Variants in ZNF521 observed in about 807,000 individuals in gnomAD.
ZNF521 encodes the protein LYST-interacting protein 3.
Under a neutral mutation model 105.5 loss-of-function variants are expected in ZNF521, and 14 were observed. The observed-to-expected ratio is 0.13, with a 90% CI of 0.09 to 0.21. The LOEUF is 0.21. Ranked by LOEUF, ZNF521 falls within the 10% of genes least tolerant of loss-of-function variation. The pLI, the probability that ZNF521 is intolerant of heterozygous loss-of-function variation, is 1.00. For synonymous variants in ZNF521, 635 were observed against 606.0 expected, an observed-to-expected ratio of 1.05 and a Z score of -0.70; for missense variants, 1,233 against 1,629.7, an observed-to-expected ratio of 0.76 and a Z score of 4.19.
chr18:25,333,639 C>T (rs1428841914), intron 2 of ZNF521, among the ~76,000 whole-genome samples: 1 of 152,116 alleles, frequency 6.6e-6, no homozygotes, highest in African/African-American at 2.4e-5. Context: ...GGTATCAATG[C>T]CACACCAGTC....
At chr18:25,162,245 A>G (rs1306423225) in intron 5 of ZNF521, among the ~76,000 whole-genome samples, 3 of 152,210 alleles carry the variant, frequency 2.0e-5, no homozygotes, top group Non-Finnish European at 2.9e-5. Context: ...TAACATTCAT[A>G]CATGAGAATA....
chr18:25,218,343 G>T (rs1905468077), intron 4 of ZNF521, among the ~76,000 whole-genome samples: 1 of 151,896 alleles, frequency 6.6e-6, no homozygotes, highest in African/African-American at 2.4e-5. Flanking sequence ...GTGGTAAGGG[G>T]ATGGTGGGAG....
chr18:25,259,757 C>T (rs1908780931), intron 3 of ZNF521, among the ~76,000 whole-genome samples: 1 of 152,178 alleles, frequency 6.6e-6, no homozygotes, highest in Non-Finnish European at 1.5e-5. Context: ...AGAAGACAGA[C>T]ATCACCCAAC....
chr18:25,153,875 G>T (rs921672703), intron 5 of ZNF521, among the ~76,000 whole-genome samples: 1 of 152,036 alleles, frequency 6.6e-6, no homozygotes, highest in African/African-American at 2.4e-5. Context: ...GTAATATCAA[G>T]AACACAACAA....
chr18:25,070,426 T>A (rs927091163), intron 7 of ZNF521, among the ~76,000 whole-genome samples: 2 of 152,044 alleles, frequency 1.3e-5, no homozygotes, highest in African/African-American at 4.8e-5. Flanking sequence ...ACCTATAGTA[T>A]AAAAGTTCAT....
At chr18:25,283,409 T>C (rs1442010231) in intron 3 of ZNF521, among the ~76,000 whole-genome samples, 1 of 152,174 alleles carries the variant, frequency 6.6e-6, no homozygotes, top group Non-Finnish European at 1.5e-5. Flanking sequence ...TGGTCTCTGG[T>C]CCAACATACG....
At chr18:25,331,937 CA>C (rs1298971638) in intron 2 of ZNF521, among the ~76,000 whole-genome samples, 1 of 144,366 alleles carries the variant, frequency 6.9e-6, no homozygotes, top group Non-Finnish European at 1.5e-5. Context: ...TCCTTAACTG[CA>C]ATCATATATT....
At chr18:25,150,329 G>C (rs1422757810) in intron 5 of ZNF521, among the ~76,000 whole-genome samples, 1 of 152,170 alleles carries the variant, frequency 6.6e-6, no homozygotes, top group Non-Finnish European at 1.5e-5. Flanking sequence ...ATTGAGTACA[G>C]TGTATACTGC....
At chr18:25,265,443 CCT>C (rs1201251609) in intron 3 of ZNF521, among the ~76,000 whole-genome samples, 1 of 152,190 alleles carries the variant, frequency 6.6e-6, no homozygotes, top group Admixed American at 6.5e-5. Flanking sequence ...TCTCTCTCCC[CCT>C]GATATCAGAA....
intron 5 of ZNF521, among the ~76,000 whole-genome samples, chr18:25,176,703 A>G (rs936209378): frequency 3.3e-5 from 5 of 152,326 alleles, no homozygotes; most frequent in Non-Finnish European, 5.9e-5. Context: ...AGCGAAGCCT[A>G]CAGGGGCTCC....
intron 4 of ZNF521, among the ~76,000 whole-genome samples, chr18:25,216,137 G>GT (rs1568014165): frequency 1.3e-5 from 2 of 151,978 alleles, no homozygotes; most frequent in East Asian, 1.9e-4. Context: ...TAATCAACCT[G>GT]TTTTTTTCAG....
At chr18:25,147,805 T>A (rs892916013) in intron 5 of ZNF521, among the ~76,000 whole-genome samples, 1 of 152,220 alleles carries the variant, frequency 6.6e-6, no homozygotes, top group African/African-American at 2.4e-5. Context: ...TTATAATCTT[T>A]CGTGCAGAAA....
intron 3 of ZNF521, among the ~76,000 whole-genome samples, chr18:25,288,900 T>C (rs1166905854): frequency 1.3e-5 from 2 of 152,222 alleles, no homozygotes; most frequent in African/African-American, 4.8e-5. Context: ...TCCAAACACT[T>C]TGGTCATGAG....
At chr18:25,268,447 C>T (rs1049088899) in intron 3 of ZNF521, among the ~76,000 whole-genome samples, 7 of 152,088 alleles carry the variant, frequency 4.6e-5, no homozygotes, top group African/African-American at 1.7e-4. Context: ...CAAAAAGATA[C>T]TGCTCAAAAA....
chr18:25,098,334 CCTT>C (rs1268778609), intron 5 of ZNF521, among the ~76,000 whole-genome samples: 1 of 152,074 alleles, frequency 6.6e-6, no homozygotes, highest in Non-Finnish European at 1.5e-5. Context: ...TCCTCTAGTT[CCTT>C]CTTTTCTTCT....
At chr18:25,242,322 C>G (rs745454643) in intron 3 of ZNF521, among the ~76,000 whole-genome samples, 2 of 152,074 alleles carry the variant, frequency 1.3e-5, no homozygotes, top group African/African-American at 4.8e-5. Flanking sequence ...TCACATTTGC[C>G]AAGCCACACA....
At chr18:25,160,953 AG>A (rs2035240108) in intron 5 of ZNF521, among the ~76,000 whole-genome samples, 1 of 152,166 alleles carries the variant, frequency 6.6e-6, no homozygotes, top group Non-Finnish European at 1.5e-5. Context: ...GGCCTCCCTG[AG>A]GACCCAGTCT....
At chr18:25,350,584 GA>G (rs1334591705) in intron 2 of ZNF521, among the ~76,000 whole-genome samples, 1 of 151,028 alleles carries the variant, frequency 6.6e-6, no homozygotes, top group African/African-American at 2.4e-5. Flanking sequence ...TCTCAGACGG[GA>G]TATTTTTTTT....
At chr18:25,344,204 T>TAAAAA (rs200619989) in intron 2 of ZNF521, among the ~76,000 whole-genome samples, 27,996 of 140,854 alleles carry the variant, frequency 0.2, 2,914 homozygotes, top group Non-Finnish European at 0.22. Flanking sequence ...AGTTTTTTAT[T>TAAAAA]AAAAAAAAAA....
Sources: allele counts gnomAD v4.1 joint callset (sites outside exome capture counted in the v4.1 genomes callset), GRCh38; gene constraint gnomAD v4.1.1; transcripts MANE v1.5; gene names NCBI Gene and HGNC (gene_info 2026-07-23, HGNC 2026-07-21).